The following SLC71A2 variants were observed in gnomAD, a reference collection of about 807,000 sequenced individuals.
The protein encoded by SLC71A2 is solute carrier family 71 member 2, also known as hippocampus abundant transcript-like 1.
the SLC71A2 span, among the ~76,000 whole-genome samples, chr9:94,447,102 G>A: frequency 6.6e-6 from 1 of 151,978 alleles, no homozygotes; most frequent in African/African-American, 2.4e-5. Flanking sequence ...CACCTTTAAT[G>A]CAATGATTTA....
the SLC71A2 span, chr9:94,453,846 A>C: frequency 1.8e-5 from 13 of 717,232 alleles, no homozygotes; most frequent in Non-Finnish European, 3.2e-5. Flanking sequence ...CAGGTCAGGC[A>C]GTGTGCCCTT....
the SLC71A2 span, among the ~76,000 whole-genome samples, chr9:94,439,445 A>G: frequency 1.3e-5 from 2 of 151,182 alleles, no homozygotes; most frequent in African/African-American, 4.9e-5. Flanking sequence ...AGAAGATGGT[A>G]TTTTGGTATG....
At chr9:94,409,581 G>A in the SLC71A2 span, among the ~76,000 whole-genome samples, 1 of 152,088 alleles carries the variant, frequency 6.6e-6, no homozygotes, top group Admixed American at 6.6e-5. Context: ...TTATTGATTT[G>A]AGATCTTTTA....
the SLC71A2 span, among the ~76,000 whole-genome samples, chr9:94,390,012 A>G: frequency 6.6e-6 from 1 of 151,944 alleles, no homozygotes; most frequent in Non-Finnish European, 1.5e-5. Context: ...CAAGAGATCA[A>G]GACCATCCTG....
the SLC71A2 span, among the ~76,000 whole-genome samples, chr9:94,446,028 C>A: frequency 6.6e-6 from 1 of 152,184 alleles, no homozygotes; most frequent in Admixed American, 6.5e-5. Flanking sequence ...TTGTAGTGAT[C>A]AAGTTATGCA....
At chr9:94,378,060 T>C in the SLC71A2 span, among the ~76,000 whole-genome samples, 8 of 150,116 alleles carry the variant, frequency 5.3e-5, no homozygotes, top group African/African-American at 2.0e-4. Context: ...GCTGAGATCG[T>C]GCCACTGCAC....
chr9:94,461,018 C>G, the SLC71A2 span: 3 of 151,830 alleles, frequency 2.0e-5, no homozygotes, highest in East Asian at 5.8e-4. Flanking sequence ...TCAGCTGATG[C>G]AAAAGGTATG....
chr9:94,460,924 C>G, the SLC71A2 span: 1 of 137,630 alleles, frequency 7.3e-6, no homozygotes, highest in African/African-American at 2.6e-5. Flanking sequence ...ACTTTTATGT[C>G]TTGTGTCTTT....
At chr9:94,383,183 G>A in the SLC71A2 span, among the ~76,000 whole-genome samples, 1 of 39,740 alleles carries the variant, frequency 2.5e-5, no homozygotes, top group Non-Finnish European at 5.6e-5. Context: ...TTTTTTTTGA[G>A]ATGGCGTCTT....
the SLC71A2 span, among the ~76,000 whole-genome samples, chr9:94,455,156 CTTTTTTTTTTTTTT>C: frequency 7.2e-5 from 2 of 27,686 alleles, no homozygotes; most frequent in Non-Finnish European, 1.1e-4. Flanking sequence ...TTGCTCTTTC[CTTTTTTTTTTTTTT>C]TTTTTTTTTT....
chr9:94,449,145 TAAAC>T, the SLC71A2 span, among the ~76,000 whole-genome samples: 2 of 152,170 alleles, frequency 1.3e-5, no homozygotes, highest in Non-Finnish European at 2.9e-5. Context: ...ATGTAGGTAA[TAAAC>T]AACTATGACT....
At chr9:94,438,148 G>A in the SLC71A2 span, among the ~76,000 whole-genome samples, 2 of 152,038 alleles carry the variant, frequency 1.3e-5, no homozygotes, top group African/African-American at 2.4e-5. Context: ...ATGTTGGCCA[G>A]ACTGGTCTTG....
chr9:94,460,098 T>C, the SLC71A2 span: 1 of 152,330 alleles, frequency 6.6e-6, no homozygotes, highest in Non-Finnish European at 1.5e-5. Context: ...CATGTAAAAC[T>C]CAACAACTCA....
chr9:94,386,405 G>A, the SLC71A2 span, among the ~76,000 whole-genome samples: 2 of 151,368 alleles, frequency 1.3e-5, no homozygotes, highest in Non-Finnish European at 2.9e-5. Context: ...CACTATGTGA[G>A]TGAAAAAAGT....
At chr9:94,417,042 T>C in the SLC71A2 span, among the ~76,000 whole-genome samples, 8 of 152,200 alleles carry the variant, frequency 5.3e-5, 1 homozygote, top group South Asian at 1.5e-3. Flanking sequence ...TTGAGTTTCA[T>C]GAGATTCTAA....
At chr9:94,378,147 T>A in the SLC71A2 span, among the ~76,000 whole-genome samples, 3 of 148,062 alleles carry the variant, frequency 2.0e-5, no homozygotes, top group Non-Finnish European at 4.5e-5. Context: ...AAAGGAGGTG[T>A]ATGTTAGCTG....
At chr9:94,439,344 G>A in the SLC71A2 span, among the ~76,000 whole-genome samples, 1 of 151,086 alleles carries the variant, frequency 6.6e-6, no homozygotes, top group African/African-American at 2.4e-5. Context: ...AATCGGGAGA[G>A]TATTTAGCAT....
At chr9:94,428,097 T>TG in the SLC71A2 span, among the ~76,000 whole-genome samples, 1 of 151,344 alleles carries the variant, frequency 6.6e-6, no homozygotes, top group African/African-American at 2.4e-5. Context: ...CACTCCAGCC[T>TG]GGCGAAGAGT....
chr9:94,456,405 GCT>G, the SLC71A2 span: 1 of 1,263,678 alleles, frequency 7.9e-7, no homozygotes, highest in South Asian at 1.2e-5. Flanking sequence ...AGCAGGAGCA[GCT>G]CTGAGTTCTC....
Sources: gnomAD v4.1 joint callset for allele counts (sites outside exome capture counted in the v4.1 genomes callset) on GRCh38, gnomAD v4.1.1 for gene constraint, MANE v1.5 for transcripts, NCBI Gene and HGNC (gene_info 2026-07-23, HGNC 2026-07-21) for gene names.